The following SPATA9 variants were observed in gnomAD, a reference collection of about 807,000 sequenced individuals.
SPATA9 encodes spermatogenesis associated 9.
A neutral mutation model predicts 25.5 loss-of-function variants in SPATA9; 27 were observed. The ratio of observed to expected loss-of-function variants is 1.06; its 90% confidence interval spans 0.78 to 1.46. SPATA9 has a LOEUF of 1.46. SPATA9 is among the 40% of genes most tolerant of loss of function. The pLI, the probability that SPATA9 is intolerant of heterozygous loss-of-function variation, is 0.00. For synonymous variants in SPATA9, 102 were observed against 105.7 expected (o/e 0.97, Z 0.21); for missense variants, 282 against 297.5 (o/e 0.95, Z 0.38).
the SPATA9 span, among the ~76,000 whole-genome samples, chr5:95,720,915 C>T: frequency 0.014 from 2,167 of 152,164 alleles, 52 homozygotes; most frequent in African/African-American, 0.05. Flanking sequence ...CATATTTTAC[C>T]GAAGAAAAGG....
At chr5:95,681,749 C>G (rs975359889) in intron 2 of SPATA9, among the ~76,000 whole-genome samples, 1 of 152,110 alleles carries the variant, frequency 6.6e-6, no homozygotes, top group East Asian at 1.9e-4. Context: ...TTTGTGATTA[C>G]TGTGTTAATC....
the SPATA9 span, among the ~76,000 whole-genome samples, chr5:95,712,602 C>T: frequency 1.3e-5 from 2 of 152,182 alleles, no homozygotes; most frequent in Non-Finnish European, 2.9e-5. Context: ...CCGCAAGCAT[C>T]AACTGTCAGA....
chr5:95,688,359 C>G (rs562416229), intron 1 of SPATA9, among the ~76,000 whole-genome samples: 6 of 152,270 alleles, frequency 3.9e-5, no homozygotes, highest in African/African-American at 1.4e-4. Flanking sequence ...TTCAAATGAT[C>G]TTCCCACCTT....
chr5:95,706,022 T>A, the SPATA9 span, among the ~76,000 whole-genome samples: 1 of 152,192 alleles, frequency 6.6e-6, no homozygotes. Flanking sequence ...GTTTTGGGGT[T>A]CAACAATTCC....
intron 1 of SPATA9, among the ~76,000 whole-genome samples, chr5:95,692,026 T>A (rs1753907194): frequency 6.6e-6 from 1 of 152,112 alleles, no homozygotes; most frequent in African/African-American, 2.4e-5. Context: ...TTTACATTTT[T>A]GGAAAAAAGA....
chr5:95,671,586 T>A (rs1752380384), intron 3 of SPATA9, among the ~76,000 whole-genome samples: 1 of 152,086 alleles, frequency 6.6e-6, no homozygotes, highest in South Asian at 2.1e-4. Flanking sequence ...ATGTTTGTAT[T>A]TTTAGTAGAG....
chr5:95,654,320 A>C, downstream of SPATA9: 2 of 1,609,756 alleles, frequency 1.2e-6, no homozygotes, highest in South Asian at 1.1e-5. Context: ...GGTAATATTC[A>C]ATTCCTTTTC....
chr5:95,675,686 C>A (rs2112645793), intron 2 of SPATA9, 47 bp from the exon 3 acceptor site: 1 of 1,538,128 alleles, frequency 6.5e-7, no homozygotes, highest in East Asian at 2.3e-5. Context: ...ATCTCCAGTG[C>A]ATTATTAAAA....
chr5:95,716,506 T>C, the SPATA9 span, among the ~76,000 whole-genome samples: 59 of 152,400 alleles, frequency 3.9e-4, no homozygotes, highest in African/African-American at 1.3e-3. Context: ...CCAATGTCTG[T>C]ACCCCCATTG....
In SPATA9 at chr5:95,658,791, C is replaced by A. The variant is rs1203697259; in HGVS notation, c.597G>T (p.Ser199=). 1 of 1,613,884 alleles carries A rather than the reference C, an allele frequency of 6.2e-7. No individual in the cohort carries two copies. The highest frequency in any genetic ancestry group is 2.2e-5 in the East Asian group (1 of 44,862). ...TTTCACCTTCAGCAAACATAGGCTC[C>A]GAAAGCACAGGCTCAGAAAAGGCTT... ...CRKAFSEPVL[S]EPMFAEGEIK... The change falls in exon 5 of 5, where the codon TCG becomes TCT. Residue 199 remains serine (S), a synonymous_variant. Transcript: ENST00000274432.
the SPATA9 span, chr5:95,717,781 A>G: frequency 6.6e-6 from 1 of 152,250 alleles, no homozygotes; most frequent in Non-Finnish European, 1.5e-5. Flanking sequence ...GAATCATTAT[A>G]ATAAAATTCA....
chr5:95,694,916 A>G (rs1753978176), intron 1 of SPATA9, among the ~76,000 whole-genome samples: 1 of 152,196 alleles, frequency 6.6e-6, no homozygotes, highest in Admixed American at 6.5e-5. Flanking sequence ...GCTACATAAC[A>G]CACCAATCCA....
intron 1 of SPATA9, among the ~76,000 whole-genome samples, chr5:95,695,238 G>A (rs1753985737): frequency 6.6e-6 from 1 of 152,200 alleles, no homozygotes; most frequent in African/African-American, 2.4e-5. Context: ...ATAATGTCCT[G>A]CAGCTTTACC....
At chr5:95,681,545 A>G (rs1218721130) in intron 2 of SPATA9, among the ~76,000 whole-genome samples, 1 of 152,170 alleles carries the variant, frequency 6.6e-6, no homozygotes, top group Non-Finnish European at 1.5e-5. Flanking sequence ...TTCTAATGCA[A>G]TTACTCCTTT....
At chr5:95,708,668 A>G in the SPATA9 span, 2 of 696,576 alleles carry the variant, frequency 2.9e-6, no homozygotes, top group Non-Finnish European at 2.6e-6. Context: ...TGGCTCCCAG[A>G]GTGTCCAAAT....
intron 4 of SPATA9, among the ~76,000 whole-genome samples, chr5:95,662,736 A>G (rs1284561430): frequency 6.6e-6 from 1 of 152,254 alleles, no homozygotes. Context: ...AAAAGCAAGA[A>G]GAGATTTTAA....
At chr5:95,664,319 C>T (rs1751554547) in intron 3 of SPATA9, among the ~76,000 whole-genome samples, 3 of 152,158 alleles carry the variant, frequency 2.0e-5, no homozygotes, top group African/African-American at 7.2e-5. Context: ...ACCAACTGTG[C>T]ACACTAGGAG....
At chr5:95,699,882 C>T (rs1349012866), upstream of SPATA9, among the ~76,000 whole-genome samples, 2 of 152,140 alleles carry the variant, frequency 1.3e-5, no homozygotes, top group African/African-American at 2.4e-5. Context: ...TCTAATATTT[C>T]TTGAAAGCCT....
At chr5:95,698,562 TTAAG>T (rs1237473507) in intron 1 of SPATA9, 1 of 152,148 alleles carries the variant, frequency 6.6e-6, no homozygotes, top group African/African-American at 2.4e-5. Flanking sequence ...AACCATGCAG[TTAAG>T]TAAGAGCTTT....
Sources: gnomAD v4.1 joint callset for allele counts (sites outside exome capture counted in the v4.1 genomes callset) on GRCh38, gnomAD v4.1.1 for gene constraint, MANE v1.5 for transcripts, NCBI Gene and HGNC (gene_info 2026-07-23, HGNC 2026-07-21) for gene names.